Variants in L3MBTL4 observed in about 807,000 individuals in gnomAD.
L3MBTL4 encodes the protein lethal(3)malignant brain tumor-like protein 4.
A neutral mutation model predicts 84.5 loss-of-function variants in L3MBTL4; 70 were observed. The observed-to-expected ratio is 0.83, with a 90% CI of 0.68 to 1.01. L3MBTL4 has a LOEUF of 1.01. Among genes scored for constraint, L3MBTL4 ranks in the 50% least tolerant of loss-of-function variants. The pLI is 0.00. For synonymous variants in L3MBTL4, 274 were observed against 259.8 expected (o/e 1.05, Z -0.52); for missense variants, 715 against 754.8 (o/e 0.95, Z 0.62).
intron 1 of L3MBTL4, among the ~76,000 whole-genome samples, chr18:6,339,055 T>C (rs1233426194): frequency 6.6e-6 from 1 of 152,092 alleles, no homozygotes; most frequent in Non-Finnish European, 1.5e-5. Context: ...CACAAATATA[T>C]TGGAGACTTA....
chr18:6,394,935 T>A (rs991332904), intron 1 of L3MBTL4: 3 of 152,168 alleles, frequency 2.0e-5, no homozygotes, highest in Non-Finnish European at 4.4e-5. Flanking sequence ...AAATTTATCC[T>A]CCCTTCAATA....
At chr18:6,161,918 A>G (rs986200222) in intron 13 of L3MBTL4, among the ~76,000 whole-genome samples, 1 of 150,186 alleles carries the variant, frequency 6.7e-6, no homozygotes, top group Admixed American at 6.6e-5. Context: ...AATACATATA[A>G]TTCTTATATA....
chr18:6,307,729 T>G (rs1014616179), intron 3 of L3MBTL4, among the ~76,000 whole-genome samples: 1 of 152,228 alleles, frequency 6.6e-6, no homozygotes, highest in Non-Finnish European at 1.5e-5. Flanking sequence ...AAATGTCTCA[T>G]ATTTCTATCT....
At position 6,243,418 on chromosome 18, in the gene L3MBTL4, G is replaced by A; in HGVS notation, c.336C>T (p.Tyr112=). 2 of 1,600,658 alleles carry A rather than the reference G, an allele frequency of 1.2e-6. No homozygotes were observed. Among genetic ancestry groups the A allele is most frequent in the East Asian group, 4.5e-5 (2 of 44,432 alleles). Residue 112 remains tyrosine, a synonymous_variant, in exon 7 of 19, where the codon TAC becomes TAT. Transcript: ENST00000317931. Reference sequence around the variant, plus strand: ...AACCATCAAAATGAAGTCTTAGACGGTAACCACAAACCTGCAAGATAGAAA... The same window carrying A: ...AACCATCAAAATGAAGTCTTAGACGATAACCACAAACCTGCAAGATAGAAA... ...CVLSVAEVCG[Y]RLRLHFDGYL...
chr18:6,195,573 C>T (rs2145578915), intron 12 of L3MBTL4, among the ~76,000 whole-genome samples: 1 of 152,300 alleles, frequency 6.6e-6, no homozygotes, highest in East Asian at 1.9e-4. Flanking sequence ...GGAACATGCA[C>T]ACAAATGTCT....
chr18:6,266,707 G>A (rs571756930), intron 4 of L3MBTL4, among the ~76,000 whole-genome samples: 5 of 152,038 alleles, frequency 3.3e-5, no homozygotes, highest in South Asian at 2.1e-4. Flanking sequence ...GTGAATCACC[G>A]GAGATCAGGA....
At chr18:5,990,383 G>A (rs542771893) in intron 16 of L3MBTL4, among the ~76,000 whole-genome samples, 2 of 152,172 alleles carry the variant, frequency 1.3e-5, no homozygotes, top group East Asian at 3.8e-4. Context: ...CAAAGCAATA[G>A]TACAAAGAGA....
chr18:6,170,739 G>C (rs1043987413), intron 13 of L3MBTL4, among the ~76,000 whole-genome samples: 1 of 148,118 alleles, frequency 6.8e-6, no homozygotes, highest in African/African-American at 2.5e-5. Flanking sequence ...GGGGTGTATT[G>C]GGGGGGGTTC....
chr18:5,958,418 C>A (rs1008952694), intron 18 of L3MBTL4, among the ~76,000 whole-genome samples: 3 of 152,194 alleles, frequency 2.0e-5, no homozygotes, highest in African/African-American at 7.2e-5. Context: ...CATACCCTGA[C>A]CTGGCTAAGC....
At chr18:6,322,478 G>GAAGGAAGGAAGC (rs2051467279) in intron 1 of L3MBTL4, among the ~76,000 whole-genome samples, 1 of 143,588 alleles carries the variant, frequency 7.0e-6, no homozygotes, top group Non-Finnish European at 1.5e-5. Flanking sequence ...AGGAAGGAAG[G>GAAGGAAGGAAGC]AAGGAAGGAA....
intron 16 of L3MBTL4, among the ~76,000 whole-genome samples, chr18:6,077,554 T>C (rs2057899609): frequency 2.0e-5 from 3 of 152,118 alleles, no homozygotes; most frequent in Admixed American, 2.0e-4. Flanking sequence ...GTGAATAAAA[T>C]GATTTTTAAA....
intron 7 of L3MBTL4, 59 bp from the exon 8 acceptor site, chr18:6,241,508 T>C (rs535161118): frequency 2.1e-6 from 2 of 930,460 alleles, no homozygotes; most frequent in East Asian, 2.5e-5. Context: ...GCATATTAAA[T>C]ATATTAGGTT....
intron 14 of L3MBTL4, among the ~76,000 whole-genome samples, chr18:6,119,199 AT>A (rs33937049): frequency 0.35 from 53,770 of 151,546 alleles, 10,120 homozygotes; most frequent in East Asian, 0.6. Flanking sequence ...TGCTGACTTG[AT>A]TTTTTTAGAA....
At chr18:6,327,429 C>G (rs796254440) in intron 1 of L3MBTL4, among the ~76,000 whole-genome samples, 12 of 152,230 alleles carry the variant, frequency 7.9e-5, no homozygotes, top group African/African-American at 2.9e-4. Context: ...TTATACAGCA[C>G]TTAAAAGAGC....
intron 16 of L3MBTL4, among the ~76,000 whole-genome samples, chr18:5,976,431 C>T (rs1446049933): frequency 1.3e-5 from 2 of 152,180 alleles, no homozygotes; most frequent in Non-Finnish European, 2.9e-5. Flanking sequence ...GTGCTGAGCC[C>T]ATGGCCTCTC....
At chr18:6,211,782 G>T (rs1480344820) in intron 12 of L3MBTL4, among the ~76,000 whole-genome samples, 2 of 151,844 alleles carry the variant, frequency 1.3e-5, no homozygotes, top group African/African-American at 4.8e-5. Flanking sequence ...CCAAGTAGCT[G>T]GGATTACAGG....
At chr18:6,383,943 G>C (rs16949999) in intron 1 of L3MBTL4, among the ~76,000 whole-genome samples, 4,959 of 152,158 alleles carry the variant, frequency 0.033, 144 homozygotes, top group East Asian at 0.1. Flanking sequence ...CTTCATCAAG[G>C]GTGTGCCTTT....
At chr18:6,030,050 TA>T (rs2055711639) in intron 16 of L3MBTL4, 1 of 985,480 alleles carries the variant, frequency 1.0e-6, no homozygotes, top group South Asian at 4.7e-5. Flanking sequence ...CTCCATGTGT[TA>T]AGAACTGCTC....
chr18:6,177,568 A>G (rs2044279523), intron 12 of L3MBTL4, among the ~76,000 whole-genome samples: 1 of 152,220 alleles, frequency 6.6e-6, no homozygotes, highest in Admixed American at 6.5e-5. Context: ...ACACTCATCA[A>G]AATGCGTGCA....
Sources: allele counts gnomAD v4.1 joint callset (sites outside exome capture counted in the v4.1 genomes callset), GRCh38; gene constraint gnomAD v4.1.1; transcripts MANE v1.5; gene names NCBI Gene and HGNC (gene_info 2026-07-23, HGNC 2026-07-21).